Variants in SNRNP40 observed in about 807,000 individuals in gnomAD.
SNRNP40 encodes small nuclear ribonucleoprotein U5 subunit 40.
Under a neutral mutation model 45.8 loss-of-function variants are expected in SNRNP40, and 21 were observed. That is an observed-to-expected ratio of 0.46 (90% CI 0.32 to 0.66). The LOEUF (loss-of-function observed/expected upper bound fraction) is 0.66, where lower values mean the gene tolerates loss of function less well. SNRNP40 is among the 30% of genes least tolerant of loss of function. The pLI is 0.03. For missense variants in SNRNP40, 344 were observed against 439.1 expected (o/e 0.78, Z 1.94); for synonymous variants, 142 against 163.8 (o/e 0.87, Z 1.01).
chr1:31,294,802 C>CAT (rs764493852), intron 1 of SNRNP40, among the ~76,000 whole-genome samples: 1 of 151,744 alleles, frequency 6.6e-6, no homozygotes, highest in Non-Finnish European at 1.5e-5. Flanking sequence ...ATTAGCCAGG[C>CAT]ATGGTGGCGG....
intron 5 of SNRNP40, among the ~76,000 whole-genome samples, chr1:31,278,552 C>T (rs557053940): frequency 3.0e-4 from 46 of 152,276 alleles, no homozygotes; most frequent in Non-Finnish European, 4.7e-4. Flanking sequence ...GTGATTCTGA[C>T]GCCAGTGAGC....
At chr1:31,267,714 T>C (rs1645909117) in intron 8 of SNRNP40, among the ~76,000 whole-genome samples, 157 bp downstream of exon 8, 1 of 152,164 alleles carries the variant, frequency 6.6e-6, no homozygotes, top group Non-Finnish European at 1.5e-5. Context: ...TTTGTATTTT[T>C]AGTAGGGATG....
chr1:31,287,978 C>T (rs1646072703), intron 4 of SNRNP40, among the ~76,000 whole-genome samples: 1 of 151,680 alleles, frequency 6.6e-6, no homozygotes, highest in South Asian at 2.1e-4. Flanking sequence ...GCCTGGGCAA[C>T]ATGGTGAAAC....
At chr1:31,261,484 G>A (rs748663450) in intron 9 of SNRNP40, 45 bp downstream of exon 9, 2 of 1,287,896 alleles carry the variant, frequency 1.6e-6, no homozygotes, top group Non-Finnish European at 1.1e-6. Flanking sequence ...GATCCCTACG[G>A]GGAGATTTCC....
intron 6 of SNRNP40, chr1:31,269,510 T>C (rs1463458601): frequency 1.5e-6 from 1 of 662,388 alleles, no homozygotes; most frequent in Non-Finnish European, 2.2e-6. Flanking sequence ...AGAATGCAGT[T>C]GGGTGTGATA....
intron 4 of SNRNP40, among the ~76,000 whole-genome samples, chr1:31,286,629 C>T (rs372869687): frequency 1.4e-4 from 22 of 152,272 alleles, no homozygotes; most frequent in East Asian, 5.8e-4. Context: ...ACATTCTCCC[C>T]GTACTGCTTC....
intron 5 of SNRNP40, among the ~76,000 whole-genome samples, chr1:31,276,853 T>G (rs1484168368): frequency 6.6e-6 from 1 of 151,946 alleles, no homozygotes; most frequent in Non-Finnish European, 1.5e-5. Context: ...GTCAACATGG[T>G]GAAACCATGT....
Position 31,261,553 on chromosome 1 carries a change from C to T in SNRNP40, c.1000G>A (p.Ala334Thr). The T allele has an allele frequency of 6.2e-7, 1 of 1,613,764 alleles. No individual in the cohort carries two copies. Among genetic ancestry groups the T allele is most frequent in the Admixed American group, 1.7e-5 (1 of 60,020 alleles). ...PGHAGSINEVAFHPDEPIIIS... is the reference protein window; with the variant it reads ...PGHAGSINEVTFHPDEPIIIS... ...CTGATGGGCTCATCAGGGTGGAAAGCCACTTCATTGATGGAGCCAGCATGG... is the reference window on the plus strand; with the variant it reads ...CTGATGGGCTCATCAGGGTGGAAAGTCACTTCATTGATGGAGCCAGCATGG... Residue 334 changes from alanine (A) to threonine (T), a missense_variant, in exon 9 of 10, where the codon GCT becomes ACT. Ala to Thr is a moderately conservative substitution (Grantham distance 58). Transcript: ENST00000263694.
intron 1 of SNRNP40, among the ~76,000 whole-genome samples, chr1:31,294,742 C>A (rs541777532): frequency 1.8e-4 from 27 of 152,104 alleles, no homozygotes; most frequent in African/African-American, 6.0e-4. Flanking sequence ...AAGTTTGAGA[C>A]CAGCCTGACC....
chr1:31,275,622 T>C (rs940678782), intron 5 of SNRNP40, among the ~76,000 whole-genome samples: 9 of 152,168 alleles, frequency 5.9e-5, no homozygotes, highest in African/African-American at 2.2e-4. Context: ...ACTCCCGGCC[T>C]CAAGTGATCT....
At chr1:31,292,294 G>A (rs182311053) in intron 2 of SNRNP40, among the ~76,000 whole-genome samples, 10 of 152,242 alleles carry the variant, frequency 6.6e-5, no homozygotes, top group Admixed American at 5.9e-4. Flanking sequence ...CCCAGGAGAC[G>A]GAGGATGCAG....
chr1:31,273,012 G>A (rs866771582), intron 5 of SNRNP40, among the ~76,000 whole-genome samples: 9 of 152,056 alleles, frequency 5.9e-5, no homozygotes, highest in Non-Finnish European at 7.4e-5. Flanking sequence ...AATGAGTTAG[G>A]TGTTACACAG....
At chr1:31,265,074 C>A (rs1027285033) in intron 8 of SNRNP40, among the ~76,000 whole-genome samples, 1 of 152,104 alleles carries the variant, frequency 6.6e-6, no homozygotes, top group Non-Finnish European at 1.5e-5. Context: ...CTTGCCAACC[C>A]CCAGCAGGTA....
At position 31,283,468 on chromosome 1, in the gene SNRNP40, T is replaced by G. The variant is rs138946259; in HGVS notation, c.532-1972A>C. ...AAATACAAAAATTAGCTGGTCATGG[T>G]GGTGTGCCCCTGTAACCCCAGCTAC... On this transcript the variant is annotated intron_variant, in intron 4 of 9. Coordinates refer to ENST00000263694, the MANE Select transcript of SNRNP40 (RefSeq NM_004814.3). Among the ~76,000 whole-genome samples, 65 of 152,282 alleles carry G rather than the reference T, an allele frequency of 4.3e-4. 3 individuals carry two copies. The East Asian group carries it at 0.012, about 29-fold the overall frequency.
intron 5 of SNRNP40, among the ~76,000 whole-genome samples, chr1:31,273,631 ACT>A (rs1052440130): frequency 2.2e-4 from 25 of 113,274 alleles, no homozygotes; most frequent in Non-Finnish European, 4.0e-4. Flanking sequence ...CAAGAATAAA[ACT>A]CTGTCTCAAA....
chr1:31,262,657 G>T lies in SNRNP40; in HGVS notation c.921-1025C>A, dbSNP rs112803484. On this transcript the variant is annotated intron_variant, in intron 8 of 9. Transcript: ENST00000263694. ...TTCATCAACGGCGTAACTAAAATTA[G>T]AACTCTTCAAAAAAAAAGAGCTTAT... 5.8e-3 allele frequency among the ~76,000 whole-genome samples: 874 copies of T among 150,900 alleles called. 8 individuals carry two copies. The highest frequency in any genetic ancestry group is 0.02 in the African/African-American group (830 of 41,042).
At chr1:31,262,622 G>A (rs1645867889) in intron 8 of SNRNP40, among the ~76,000 whole-genome samples, 1 of 150,710 alleles carries the variant, frequency 6.6e-6, no homozygotes, top group African/African-American at 2.4e-5. Flanking sequence ...ACGTTTCCAA[G>A]GCAATACAGT....
intron 8 of SNRNP40, among the ~76,000 whole-genome samples, chr1:31,262,689 A>C (rs549087108): frequency 6.6e-6 from 1 of 150,724 alleles, no homozygotes; most frequent in Admixed American, 6.6e-5. Flanking sequence ...TTATTAGAGA[A>C]TGTTCTTAGG....
chr1:31,283,193 T>C (rs1646032330), intron 4 of SNRNP40, among the ~76,000 whole-genome samples: 2 of 152,174 alleles, frequency 1.3e-5, no homozygotes, highest in African/African-American at 4.8e-5. Context: ...GTTCTTGTTG[T>C]TGTAGGTAAT....
Sources: allele counts gnomAD v4.1 joint callset (sites outside exome capture counted in the v4.1 genomes callset), GRCh38; gene constraint gnomAD v4.1.1; transcripts MANE v1.5; gene names NCBI Gene and HGNC (gene_info 2026-07-23, HGNC 2026-07-21).